Variants in GCNA observed in about 807,000 individuals in gnomAD.
GCNA encodes the protein germ cell nuclear acidic protein.
In GCNA, 3 loss-of-function variants were observed where a neutral mutation model predicts 38.8. The ratio of observed to expected loss-of-function variants is 0.08; its 90% confidence interval spans 0.04 to 0.20. The LOEUF (loss-of-function observed/expected upper bound fraction) is 0.20, where lower values mean the gene tolerates loss of function less well. Among genes scored for constraint, GCNA ranks in the 10% least tolerant of loss-of-function variants. The probability of loss-of-function intolerance (pLI) is 1.00; values close to 1 mark genes in which losing one functional copy is unlikely to be tolerated. For synonymous variants in GCNA, 195 were observed against 240.2 expected (o/e 0.81, Z 1.74); for missense variants, 446 against 578.6 (o/e 0.77, Z 2.35).
intron 9 of GCNA, 42 bp downstream of exon 9, chrX:71,605,771 C>T: frequency 8.9e-7 from 1 of 1,125,921 alleles, no homozygotes; most frequent in Non-Finnish European, 1.2e-6. Context: ...ATTTATTGCA[C>T]AGCCGTCACA....
At chrX:71,612,079 C>T (rs1209896878) in intron 11 of GCNA, among the ~76,000 whole-genome samples, 1 of 104,385 alleles carries the variant, frequency 9.6e-6, no homozygotes, top group Non-Finnish European at 2.0e-5. Context: ...TTGGGACCAG[C>T]CTGGCCAACA....
At chrX:71,592,085 G>A (rs1162660473) in intron 2 of GCNA, 37 bp from the exon 3 acceptor site, 1 of 1,083,955 alleles carries the variant, frequency 9.2e-7, no homozygotes, top group African/African-American at 1.8e-5. Flanking sequence ...GGCGTCGATA[G>A]CCCTCCTTTT....
At chrX:71,608,920 C>T (rs1015703452) in intron 9 of GCNA, 53 bp from the exon 10 acceptor site, 64 of 1,175,135 alleles carry the variant, frequency 5.4e-5, no homozygotes, top group Non-Finnish European at 7.0e-5. Flanking sequence ...CTTAGGTGTG[C>T]ATTCCTTCTC....
chrX:71,601,506 T>C (rs1227791105), intron 7 of GCNA, among the ~76,000 whole-genome samples: 1 of 111,541 alleles, frequency 9.0e-6, no homozygotes, highest in African/African-American at 3.3e-5. Context: ...ATTGTGCATA[T>C]GTACCACATT....
At chrX:71,591,627 A>C (rs967493472) in intron 2 of GCNA, among the ~76,000 whole-genome samples, 3 of 101,914 alleles carry the variant, frequency 2.9e-5, no homozygotes, top group Non-Finnish European at 6.0e-5. Context: ...ACTCACTTTC[A>C]TGTCTTTATT....
At chrX:71,584,631 G>A (rs933697175) in intron 2 of GCNA, among the ~76,000 whole-genome samples, 1 of 111,496 alleles carries the variant, frequency 9.0e-6, no homozygotes, top group Admixed American at 9.4e-5. Flanking sequence ...TTGGGAGGCC[G>A]AGGCGGGCGG....
intron 6 of GCNA, among the ~76,000 whole-genome samples, chrX:71,596,233 A>T (rs2040670845): frequency 8.9e-6 from 1 of 112,018 alleles, no homozygotes; most frequent in African/African-American, 3.2e-5. Context: ...AAATAAATAA[A>T]GTCAGCAGTT....
chrX:71,588,608 C>A lies in GCNA; in HGVS notation c.60-3514C>A, dbSNP rs777414352. ...TTGGGAGGCCAAGGCTGGCAGATCACCTGAGGTCAGGAGTTCAAGACCAGC... is the reference window on the plus strand; with the variant it reads ...TTGGGAGGCCAAGGCTGGCAGATCAACTGAGGTCAGGAGTTCAAGACCAGC... On this transcript the variant is annotated intron_variant, in intron 2 of 12. Coordinates refer to ENST00000373696, the MANE Select transcript of GCNA (RefSeq NM_052957.5). Among the ~76,000 whole-genome samples, 12 of 111,710 alleles carry A rather than the reference C, an allele frequency of 1.1e-4. No individual in the cohort carries two copies. In the South Asian group the frequency reaches 4.1e-3, roughly 38 times the overall value.
chrX:71,607,342 C>T (rs2040775880), intron 9 of GCNA, among the ~76,000 whole-genome samples: 1 of 112,113 alleles, frequency 8.9e-6, no homozygotes, highest in Admixed American at 9.5e-5. Flanking sequence ...CCCCCCTCTG[C>T]AGCCCAACTT....
At chrX:71,606,670 C>T (rs1220880204) in intron 9 of GCNA, among the ~76,000 whole-genome samples, 1 of 111,769 alleles carries the variant, frequency 8.9e-6, no homozygotes, top group South Asian at 3.7e-4. Flanking sequence ...CAGGTTACCC[C>T]GGACCTGAGC....
chrX:71,589,968 C>T (rs1168557914), intron 2 of GCNA, among the ~76,000 whole-genome samples: 1 of 106,425 alleles, frequency 9.4e-6, no homozygotes, highest in Non-Finnish European at 1.9e-5. Flanking sequence ...GACGGTTTCA[C>T]CATGTTGCCC....
intron 8 of GCNA, among the ~76,000 whole-genome samples, 189 bp from the exon 9 acceptor site, chrX:71,605,474 C>T (rs1190625050): frequency 8.9e-6 from 1 of 112,750 alleles, no homozygotes; most frequent in Non-Finnish European, 1.9e-5. Flanking sequence ...GCTGGCAGCT[C>T]TGTGATTCAC....
intron 7 of GCNA, among the ~76,000 whole-genome samples, chrX:71,601,472 G>T (rs1569439628): frequency 9.0e-6 from 1 of 111,705 alleles, no homozygotes; most frequent in Non-Finnish European, 1.9e-5. Flanking sequence ...TCTTTTTTAT[G>T]GTTGAGCAGT....
At chrX:71,580,077 T>G (rs1602164601) in intron 1 of GCNA, among the ~76,000 whole-genome samples, 1 of 61,780 alleles carries the variant, frequency 1.6e-5, no homozygotes, top group African/African-American at 6.8e-5. Context: ...ATTGACAGAG[T>G]GGGGAGTAAA....
rs1321759766 is a variant in GCNA, at chrX:71,612,464, C to T, written c.1860C>T (p.Ser620=). 8.3e-7 allele frequency: 1 copy of T among 1,209,077 alleles called. No homozygotes were observed. The highest frequency in any genetic ancestry group is 1.1e-6 in the Non-Finnish European group (1 of 894,412). The stretch of plus-strand genomic sequence containing the variant: ...CATGGAAGTATTATGCCAGGAAATC[C>T]AACAGGATACACCCGGAGCTGCCCA... The part of the protein sequence containing the change: ...GDAWKYYARK[S]NRIHPELPRV... Residue 620 remains serine (S), a synonymous_variant, in exon 12 of 13, where the codon TCC becomes TCT. Coordinates refer to ENST00000373696, the MANE Select transcript of GCNA (RefSeq NM_052957.5).
intron 7 of GCNA, among the ~76,000 whole-genome samples, chrX:71,601,123 A>G (rs942866160): frequency 1.1e-4 from 12 of 111,694 alleles, no homozygotes; most frequent in African/African-American, 3.9e-4. Flanking sequence ...AGGCAGGCGG[A>G]TCACGAGGTC....
chrX:71,596,985 A>G (rs2040676520), intron 6 of GCNA, among the ~76,000 whole-genome samples: 1 of 112,178 alleles, frequency 8.9e-6, no homozygotes, highest in Non-Finnish European at 1.9e-5. Flanking sequence ...GTTGGGCTCA[A>G]TATAATGAAT....
At chrX:71,583,719 A>T (rs1602166909) in intron 2 of GCNA, among the ~76,000 whole-genome samples, 1 of 87,993 alleles carries the variant, frequency 1.1e-5, no homozygotes. Context: ...TTTTTTTGAG[A>T]CAGAGCCTTG....
chrX:71,611,618 C>T (rs894983868), intron 11 of GCNA, among the ~76,000 whole-genome samples: 3 of 111,696 alleles, frequency 2.7e-5, no homozygotes, highest in Admixed American at 1.9e-4. Context: ...TTTGCAAATT[C>T]AATCAATTAG....
Sources: allele counts gnomAD v4.1 joint callset (sites outside exome capture counted in the v4.1 genomes callset), GRCh38; gene constraint gnomAD v4.1.1; transcripts MANE v1.5; gene names NCBI Gene and HGNC (gene_info 2026-07-23, HGNC 2026-07-21).